GNAQ: variants seen among roughly 807,000 people sequenced by gnomAD.
GNAQ encodes G protein subunit alpha q, also known as guanine nucleotide-binding protein G(q) subunit alpha.
In GNAQ, 8 loss-of-function variants were observed where a neutral mutation model predicts 43.9. That is an observed-to-expected ratio of 0.18 (90% CI 0.11 to 0.33). The LOEUF (loss-of-function observed/expected upper bound fraction) is 0.33. Ranked by LOEUF, GNAQ falls within the 10% of genes least tolerant of loss-of-function variation. The pLI is 1.00. For missense variants in GNAQ, 158 were observed against 450.8 expected (o/e 0.35, Z 5.88); for synonymous variants, 155 against 170.7 (o/e 0.91, Z 0.71).
chr9:78,031,500 G>T lies in GNAQ; in HGVS notation c.-265C>A, dbSNP rs557367323. On this transcript the variant is annotated 5_prime_UTR_variant, in exon 1 of 7. Coordinates refer to ENST00000286548, the MANE Select transcript of GNAQ (RefSeq NM_002072.5). The stretch of plus-strand genomic sequence containing the variant: ...CGCGGGAGGCGGGCGCTGGCTCGGG[G>T]GGCGCGTGAGAGAAGGCCGCCGCGC... 1.5e-4 allele frequency: 25 copies of T among 167,040 alleles called. No individual in the cohort carries two copies. The highest frequency in any genetic ancestry group is 9.5e-4 in the South Asian group (5 of 5,266). 10.3% of individuals were successfully genotyped at this position (167,040 alleles called of 1,614,324 possible). A position where few individuals can be genotyped will look rare whatever the true frequency, so the allele number is the denominator to read the frequency against.
At chr9:77,982,367 A>G (rs1823378444) in intron 1 of GNAQ, among the ~76,000 whole-genome samples, 1 of 152,210 alleles carries the variant, frequency 6.6e-6, no homozygotes, top group African/African-American at 2.4e-5. Flanking sequence ...TTTTAATTGA[A>G]TCCTCTTACT....
chr9:78,024,346 A>G (rs1823950052), intron 1 of GNAQ, among the ~76,000 whole-genome samples: 1 of 152,206 alleles, frequency 6.6e-6, no homozygotes, highest in South Asian at 2.1e-4. Context: ...GATGCCTATT[A>G]GAAGAAAGCA....
chr9:77,918,250 C>A (rs879879121), intron 2 of GNAQ, among the ~76,000 whole-genome samples: 1 of 152,064 alleles, frequency 6.6e-6, no homozygotes, highest in Admixed American at 6.6e-5. Flanking sequence ...TTATGCTGGA[C>A]AATATTAGAA....
chr9:77,941,986 T>A (rs574173314), intron 1 of GNAQ, among the ~76,000 whole-genome samples: 8 of 151,200 alleles, frequency 5.3e-5, no homozygotes, highest in Admixed American at 4.6e-4. Context: ...GAAAAATCTA[T>A]AATAAAGTGT....
At chr9:77,900,099 C>G (rs1229723296) in intron 2 of GNAQ, among the ~76,000 whole-genome samples, 2 of 152,164 alleles carry the variant, frequency 1.3e-5, no homozygotes, top group East Asian at 3.9e-4. Context: ...TGGCCTGACA[C>G]AGTTACTAAG....
intron 1 of GNAQ, among the ~76,000 whole-genome samples, chr9:77,955,083 A>T (rs1823026228): frequency 6.6e-6 from 1 of 152,218 alleles, no homozygotes; most frequent in Non-Finnish European, 1.5e-5. Context: ...CAAAGCTAAG[A>T]ATGTTCGAAC....
At chr9:77,887,279 T>C (rs1828324416) in intron 2 of GNAQ, among the ~76,000 whole-genome samples, 1 of 152,212 alleles carries the variant, frequency 6.6e-6, no homozygotes, top group Non-Finnish European at 1.5e-5. Context: ...GGCAGATACA[T>C]TCAATGTTAC....
intron 1 of GNAQ, among the ~76,000 whole-genome samples, chr9:77,933,394 G>A (rs1369004169): frequency 1.3e-5 from 2 of 152,138 alleles, no homozygotes; most frequent in African/African-American, 2.4e-5. Flanking sequence ...GGCCAGGAGC[G>A]GCGGCTCATG....
At chr9:77,728,959 G>A (rs1201828833) in intron 5 of GNAQ, among the ~76,000 whole-genome samples, 1 of 152,180 alleles carries the variant, frequency 6.6e-6, no homozygotes, top group Admixed American at 6.5e-5. Context: ...GAATCATGTT[G>A]TGAATCTGGA....
chr9:78,009,677 G>A (rs1485634387), intron 1 of GNAQ, among the ~76,000 whole-genome samples: 1 of 152,090 alleles, frequency 6.6e-6, no homozygotes, highest in Admixed American at 6.5e-5. Flanking sequence ...ATTGTAACAG[G>A]TTCCTCTACT....
intron 3 of GNAQ, among the ~76,000 whole-genome samples, chr9:77,808,973 T>C (rs1342702362): frequency 6.6e-6 from 1 of 152,170 alleles, no homozygotes; most frequent in Non-Finnish European, 1.5e-5. Flanking sequence ...ATTTGACTCA[T>C]CAGTCAGCAA....
intron 1 of GNAQ, among the ~76,000 whole-genome samples, chr9:78,000,044 A>T (rs1823624156): frequency 6.6e-6 from 1 of 152,180 alleles, no homozygotes; most frequent in African/African-American, 2.4e-5. Context: ...TTAAAAGAGA[A>T]ATTTACTTGT....
At chr9:77,986,529 A>G (rs1823437502) in intron 1 of GNAQ, among the ~76,000 whole-genome samples, 1 of 152,136 alleles carries the variant, frequency 6.6e-6, no homozygotes, top group East Asian at 1.9e-4. Flanking sequence ...GTTTTGGGAC[A>G]GGGTCTCGTT....
At chr9:78,001,662 A>C (rs137875694) in intron 1 of GNAQ, among the ~76,000 whole-genome samples, 1,633 of 151,954 alleles carry the variant, frequency 0.011, 26 homozygotes, top group African/African-American at 0.038. Flanking sequence ...AGTACTTGGA[A>C]TCTCAGATCA....
At chr9:77,908,572 T>A (rs1233261527) in intron 2 of GNAQ, among the ~76,000 whole-genome samples, 3 of 152,232 alleles carry the variant, frequency 2.0e-5, no homozygotes, top group Admixed American at 2.0e-4. Context: ...TGCATCTATA[T>A]ATTGTCATTA....
chr9:78,018,764 A>G (rs1313698800), intron 1 of GNAQ, among the ~76,000 whole-genome samples: 1 of 152,214 alleles, frequency 6.6e-6, no homozygotes, highest in East Asian at 1.9e-4. Flanking sequence ...AGAATAAAAG[A>G]CAAGGTAAAT....
At chr9:77,844,957 T>C (rs2117897940) in intron 2 of GNAQ, among the ~76,000 whole-genome samples, 1 of 152,312 alleles carries the variant, frequency 6.6e-6, no homozygotes, top group Non-Finnish European at 1.5e-5. Flanking sequence ...TCTGCCTATT[T>C]TTAATGTATA....
intron 2 of GNAQ, among the ~76,000 whole-genome samples, chr9:77,836,567 G>A (rs930570497): frequency 6.6e-6 from 1 of 151,968 alleles, no homozygotes; most frequent in Non-Finnish European, 1.5e-5. Context: ...TACCAATGCT[G>A]GAAGACACTG....
intron 5 of GNAQ, among the ~76,000 whole-genome samples, chr9:77,789,945 T>A: frequency 6.7e-6 from 1 of 149,760 alleles, no homozygotes; most frequent in African/African-American, 2.5e-5. Context: ...GAAGAAGGAG[T>A]ACAATAATGA....
Sources: allele counts gnomAD v4.1 joint callset (sites outside exome capture counted in the v4.1 genomes callset), GRCh38; gene constraint gnomAD v4.1.1; transcripts MANE v1.5; gene names NCBI Gene and HGNC (gene_info 2026-07-23, HGNC 2026-07-21).